Variants in ZFYVE28 observed in about 807,000 individuals in gnomAD.
ZFYVE28 encodes the protein zinc finger FYVE-type containing 28, also known as lateral signaling target protein 2 homolog.
ZFYVE28 carries 40 observed loss-of-function variants against 82.1 expected under a neutral mutation model. The observed-to-expected ratio is 0.49, with a 90% CI of 0.38 to 0.63. The LOEUF (loss-of-function observed/expected upper bound fraction) is 0.63, where lower values mean the gene tolerates loss of function less well. Ranked by LOEUF, ZFYVE28 falls within the 30% of genes least tolerant of loss-of-function variation. ZFYVE28 has a pLI of 0.00. For synonymous variants in ZFYVE28, 612 were observed against 546.1 expected (o/e 1.12, Z -1.68); for missense variants, 1,321 against 1,242.1 (o/e 1.06, Z -0.96).
intron 1 of ZFYVE28, among the ~76,000 whole-genome samples, chr4:2,397,719 G>A (rs1170411371): frequency 2.0e-5 from 3 of 152,100 alleles, no homozygotes; most frequent in Admixed American, 6.5e-5. Context: ...GTGTCCTCAC[G>A]GGTCATCCAT....
At chr4:2,302,348 T>C (rs1218830301) in intron 8 of ZFYVE28, among the ~76,000 whole-genome samples, 2 of 152,114 alleles carry the variant, frequency 1.3e-5, no homozygotes, top group African/African-American at 4.8e-5. Context: ...CAGCTGTCAA[T>C]GGCAAGTTCT....
intron 1 of ZFYVE28, among the ~76,000 whole-genome samples, chr4:2,389,493 G>A (rs1325586058): frequency 6.6e-6 from 1 of 152,214 alleles, no homozygotes; most frequent in Non-Finnish European, 1.5e-5. Context: ...CTCAAGGCCA[G>A]AAGAAGCTGT....
In ZFYVE28 at chr4:2,293,882, T is replaced by C. The variant is rs191732238; in HGVS notation, c.2051+10407A>G. ...AATGGCATCACAAAATATAGAATACTTGAGGATTCATCTGACAAAAGATGT... is the reference window on the plus strand; with the variant it reads ...AATGGCATCACAAAATATAGAATACCTGAGGATTCATCTGACAAAAGATGT... On this transcript the variant is annotated intron_variant, in intron 8 of 12. Transcript: ENST00000290974. Among the ~76,000 whole-genome samples, 39 of 152,144 alleles carry C rather than the reference T, an allele frequency of 2.6e-4. 1 individual carries two copies. The highest frequency in any genetic ancestry group is 8.4e-4 in the African/African-American group (35 of 41,508).
At chr4:2,368,211 C>CAAAAAATAAAAA (rs1727095982) in intron 1 of ZFYVE28, among the ~76,000 whole-genome samples, 1 of 86,158 alleles carries the variant, frequency 1.2e-5, no homozygotes. Flanking sequence ...CACATCTCTA[C>CAAAAAATAAAAA]AAAAAAAAAA....
Position 2,319,687 on chromosome 4 carries a change from G to T in ZFYVE28, c.803+483C>A, listed in dbSNP as rs547787822. ...AGCCCTTGGCCCATATGAAGGAAAGGCGTCGTGTTTTAAAAGGGGGTCTCC... is the reference window on the plus strand; with the variant it reads ...AGCCCTTGGCCCATATGAAGGAAAGTCGTCGTGTTTTAAAAGGGGGTCTCC... On this transcript the variant is annotated intron_variant, in intron 7 of 12. Coordinates refer to ENST00000290974, the MANE Select transcript of ZFYVE28 (RefSeq NM_020972.3). Among the ~76,000 whole-genome samples, 3 of 152,328 alleles carry T rather than the reference G, an allele frequency of 2.0e-5. No individual in the cohort carries two copies. In the South Asian group the frequency reaches 6.2e-4, roughly 32 times the overall value.
intron 1 of ZFYVE28, among the ~76,000 whole-genome samples, chr4:2,411,171 CTT>C (rs148158466): frequency 0.019 from 2,891 of 152,226 alleles, 98 homozygotes; most frequent in African/African-American, 0.065. Context: ...GTGGCAGAGA[CTT>C]AGAGAGCCAG....
Position 2,334,877 on chromosome 4 carries a change from A to G in ZFYVE28, c.701+828T>C, listed in dbSNP as rs1372341804. Among the ~76,000 whole-genome samples the G allele has an allele frequency of 3.8e-5, 3 of 79,876 alleles. No individual in the cohort carries two copies. In the East Asian group the frequency reaches 9.6e-4, roughly 26 times the overall value. 52.4% of individuals were successfully genotyped at this position (79,876 alleles called of 152,430 possible). A position where few individuals can be genotyped will look rare whatever the true frequency, so the allele number is the denominator to read the frequency against. ...CCACTTCCGCCTCCCCCCCAGCTGC[A>G]AGCTCCACTAAGCTCTCTGTGGTCC... On this transcript the variant is annotated intron_variant, in intron 6 of 12. Transcript: ENST00000290974.
At chr4:2,380,052 G>T (rs73072347) in intron 1 of ZFYVE28, among the ~76,000 whole-genome samples, 2,070 of 152,244 alleles carry the variant, frequency 0.014, 50 homozygotes, top group African/African-American at 0.048. Flanking sequence ...CATTTTCTCT[G>T]CACTGAGTCG....
At chr4:2,398,042 G>GT (rs1159469783) in intron 1 of ZFYVE28, among the ~76,000 whole-genome samples, 1 of 150,634 alleles carries the variant, frequency 6.6e-6, no homozygotes, top group Admixed American at 6.6e-5. Flanking sequence ...TGGGAGGGGG[G>GT]GTCCTGGCAG....
Position 2,308,692 on chromosome 4 carries a change from G to A in ZFYVE28, c.804-3156C>T, listed in dbSNP as rs1313338393. On this transcript the variant is annotated intron_variant, in intron 7 of 12. Transcript: ENST00000290974. ...AAGAAAGAAAGAGAAAGAAAGAAAA[G>A]AAAAGAAAAGAAAAAAGAAAAGAAA... Among the ~76,000 whole-genome samples the A allele has an allele frequency of 5.0e-3, 483 of 96,496 alleles. 9 individuals carry two copies. The highest frequency in any genetic ancestry group is 0.018 in the African/African-American group (452 of 25,436). The allele number at this position is 96,496 out of a possible 152,430, so 63.3% of individuals were successfully genotyped here.
intron 1 of ZFYVE28, among the ~76,000 whole-genome samples, chr4:2,387,193 C>G (rs1729358742): frequency 6.6e-6 from 1 of 152,154 alleles, no homozygotes; most frequent in African/African-American, 2.4e-5. Flanking sequence ...CTAGGGTCCC[C>G]CAAGGCTCCT....
chr4:2,376,324 C>G (rs1728131080), intron 1 of ZFYVE28, among the ~76,000 whole-genome samples: 1 of 137,562 alleles, frequency 7.3e-6, no homozygotes, highest in African/African-American at 2.7e-5. Context: ...ATCATTTGAG[C>G]CCAGGAGTTT....
intron 4 of ZFYVE28, among the ~76,000 whole-genome samples, chr4:2,337,980 GC>G (rs754279371): frequency 2.6e-5 from 4 of 152,202 alleles, no homozygotes; most frequent in Non-Finnish European, 5.9e-5. Context: ...CCCCAGCCCT[GC>G]CCATGCGGGA....
intron 8 of ZFYVE28, among the ~76,000 whole-genome samples, chr4:2,297,036 C>T (rs1372892561): frequency 6.6e-6 from 1 of 152,242 alleles, no homozygotes; most frequent in African/African-American, 2.4e-5. Flanking sequence ...GTTGAGGCCC[C>T]ACCCAGGGAA....
intron 3 of ZFYVE28, among the ~76,000 whole-genome samples, chr4:2,340,861 T>C (rs1033493468): frequency 1.3e-5 from 2 of 151,810 alleles, no homozygotes; most frequent in African/African-American, 2.4e-5. Flanking sequence ...CAGGGATTCC[T>C]AGAAAGGGGA....
intron 7 of ZFYVE28, among the ~76,000 whole-genome samples, chr4:2,315,159 TAAC>T (rs375626585): frequency 5.3e-5 from 8 of 152,360 alleles, no homozygotes; most frequent in African/African-American, 1.9e-4. Context: ...AGGTTGCTGA[TAAC>T]AAATTCCTTC....
chr4:2,297,275 C>T (rs912133559), intron 8 of ZFYVE28, among the ~76,000 whole-genome samples: 4 of 152,212 alleles, frequency 2.6e-5, no homozygotes, highest in Non-Finnish European at 4.4e-5. Flanking sequence ...CAGCAGCGAC[C>T]TCACCATGGG....
At chr4:2,273,049 G>A (rs1461353934) in intron 10 of ZFYVE28, 124 bp downstream of exon 10, 11 of 775,742 alleles carry the variant, frequency 1.4e-5, no homozygotes, top group Non-Finnish European at 2.1e-5. Context: ...TGGGGTCGAC[G>A]ATTGCTTGGT....
intron 7 of ZFYVE28, among the ~76,000 whole-genome samples, chr4:2,311,274 C>T (rs1460315660): frequency 6.6e-6 from 1 of 151,882 alleles, no homozygotes; most frequent in Non-Finnish European, 1.5e-5. Context: ...GCTTATAATC[C>T]CAGCACTTTG....
Sources: gnomAD v4.1 joint callset for allele counts (sites outside exome capture counted in the v4.1 genomes callset) on GRCh38, gnomAD v4.1.1 for gene constraint, MANE v1.5 for transcripts, NCBI Gene and HGNC (gene_info 2026-07-23, HGNC 2026-07-21) for gene names.